The following PITPNM2 variants were observed in gnomAD, a reference collection of about 807,000 sequenced individuals.
PITPNM2 encodes the protein phosphatidylinositol transfer protein membrane associated 2.
In PITPNM2, 35 loss-of-function variants were observed where a neutral mutation model predicts 132.2. The ratio of observed to expected loss-of-function variants is 0.26; its 90% CI spans 0.20 to 0.35. The LOEUF (loss-of-function observed/expected upper bound fraction) is 0.35, where lower values mean the gene tolerates loss of function less well. Ranked by LOEUF, PITPNM2 falls within the 10% of genes least tolerant of loss-of-function variation. The pLI, the probability that PITPNM2 is intolerant of heterozygous loss-of-function variation, is 1.00. For synonymous variants in PITPNM2, 738 were observed against 799.2 expected (o/e 0.92, Z 1.29); for missense variants, 1,332 against 1,912.0 (o/e 0.70, Z 5.66).
chr12:122,988,960 C>CCCACACCCCTCTGG, intron 18 of PITPNM2, 88 bp from the exon 19 acceptor site: 1 of 1,360,094 alleles, frequency 7.4e-7, no homozygotes. Flanking sequence ...GCCTGCTCAG[C>CCCACACCCCTCTGG]CCAGCACAGT....
At chr12:123,149,772 T>A (rs2043689675) in intron 1 of PITPNM2, 1 of 152,464 alleles carries the variant, frequency 6.6e-6, no homozygotes, top group Non-Finnish European at 1.5e-5. Context: ...AGGGGAGCAC[T>A]TACTGCCTTC....
Position 123,031,691 on chromosome 12 carries a change from C to A in PITPNM2, c.78+2822G>T, listed in dbSNP as rs1376618562. On this transcript the variant is annotated intron_variant, in intron 3 of 25. Coordinates refer to ENST00000320201, the MANE Select transcript of PITPNM2 (RefSeq NM_020845.3). This position sits in a 1 kb window ranked among gnomAD's most constrained non-coding sequence, Gnocchi z 4.5. The stretch of plus-strand genomic sequence containing the variant: ...AGAGGAGAGCTGCCCAGCCAGCCAG[C>A]CTGAGCAGGAACACCAACAGCCTTG... Among the ~76,000 whole-genome samples the A allele has an allele frequency of 6.6e-6, 1 of 152,214 alleles. No individual in the cohort carries two copies. Among genetic ancestry groups the A allele is most frequent in the African/African-American group, 2.4e-5 (1 of 41,452 alleles).
intron 1 of PITPNM2, among the ~76,000 whole-genome samples, chr12:123,123,145 G>A (rs2137458192): frequency 6.6e-6 from 1 of 152,162 alleles, no homozygotes; most frequent in South Asian, 2.1e-4. Context: ...CCATCAACAG[G>A]GACCTGGTTT....
intron 2 of PITPNM2, among the ~76,000 whole-genome samples, chr12:123,085,747 A>G (rs1202268094): frequency 6.6e-6 from 1 of 152,240 alleles, no homozygotes; most frequent in African/African-American, 2.4e-5. Context: ...AAGATACAGG[A>G]TGGCCAATAA....
intron 2 of PITPNM2, among the ~76,000 whole-genome samples, chr12:123,038,122 A>G (rs1366036070): frequency 6.6e-6 from 1 of 152,260 alleles, no homozygotes; most frequent in Non-Finnish European, 1.5e-5. Context: ...CAGAAAGTGC[A>G]AGTGCTCAGG....
In PITPNM2 at chr12:123,117,089, A is replaced by G. The variant is rs7972870; in HGVS notation, c.-199-6601T>C. 9.5e-3 allele frequency among the ~76,000 whole-genome samples: 1,451 copies of G among 152,340 alleles called. 22 individuals are homozygous for G. The highest frequency in any genetic ancestry group is 0.033 in the African/African-American group (1,362 of 41,574). The stretch of plus-strand genomic sequence containing the variant: ...TGGCCAAGCTCTCTAGCGGGTTTGC[A>G]GGAAGTTCTACTTCCATCATAAGAC... On this transcript the variant is annotated intron_variant, in intron 1 of 25. Coordinates refer to ENST00000320201, the MANE Select transcript of PITPNM2 (RefSeq NM_020845.3). The surrounding 1 kb of genome is among the most constrained non-coding windows in gnomAD (Gnocchi z 4.7).
At chr12:123,118,458 C>T (rs563272379) in intron 1 of PITPNM2, among the ~76,000 whole-genome samples, 6 of 152,296 alleles carry the variant, frequency 3.9e-5, no homozygotes, top group South Asian at 2.1e-4. Context: ...AAATTGAGAA[C>T]AATCTAAAAG....
At chr12:123,134,346 C>T (rs565083220) in intron 1 of PITPNM2, among the ~76,000 whole-genome samples, 1 of 152,200 alleles carries the variant, frequency 6.6e-6, no homozygotes, top group African/African-American at 2.4e-5. Flanking sequence ...CTGCCAAGCC[C>T]GGTGACCACC....
At chr12:123,001,404 T>A (rs967999371) in intron 8 of PITPNM2, among the ~76,000 whole-genome samples, 1 of 152,230 alleles carries the variant, frequency 6.6e-6, no homozygotes, top group Admixed American at 6.5e-5. Context: ...ATCACCACTA[T>A]CTAATTCCAG....
At chr12:123,034,762 C>T (rs2040213159) in intron 2 of PITPNM2, 77 bp from the exon 3 acceptor site, 2 of 602,738 alleles carry the variant, frequency 3.3e-6, no homozygotes, top group Non-Finnish European at 3.0e-6. Flanking sequence ...GAGGAAAGGC[C>T]CGGTCTACAC....
At chr12:123,056,227 A>G (rs1273253895) in intron 2 of PITPNM2, among the ~76,000 whole-genome samples, 1 of 152,216 alleles carries the variant, frequency 6.6e-6, no homozygotes, top group Non-Finnish European at 1.5e-5. Flanking sequence ...AAGCTTGGCC[A>G]CTTACATGTC....
intron 5 of PITPNM2, among the ~76,000 whole-genome samples, chr12:123,010,332 C>A (rs964184356): frequency 1.3e-5 from 2 of 152,198 alleles, no homozygotes; most frequent in African/African-American, 4.8e-5. Flanking sequence ...ACTCCTCCCA[C>A]CTCAGCCTCT....
chr12:123,060,942 A>C (rs1386601014), intron 2 of PITPNM2, among the ~76,000 whole-genome samples: 1 of 152,144 alleles, frequency 6.6e-6, no homozygotes, highest in Non-Finnish European at 1.5e-5. Flanking sequence ...CCTTCCACCT[A>C]TGCATCCCTA....
intron 2 of PITPNM2, among the ~76,000 whole-genome samples, chr12:123,037,743 G>A (rs1408252786): frequency 6.6e-6 from 1 of 152,096 alleles, no homozygotes; most frequent in East Asian, 1.9e-4. Flanking sequence ...AGGACCCCCT[G>A]AGCCAGATTC....
intron 2 of PITPNM2, among the ~76,000 whole-genome samples, chr12:123,072,599 C>A (rs2041649401): frequency 6.6e-6 from 1 of 152,220 alleles, no homozygotes; most frequent in African/African-American, 2.4e-5. Flanking sequence ...GGGAGACAGT[C>A]AGGTCTCAGA....
intron 3 of PITPNM2, among the ~76,000 whole-genome samples, chr12:123,030,603 G>C (rs1226929159): frequency 6.6e-6 from 1 of 151,892 alleles, no homozygotes; most frequent in Non-Finnish European, 1.5e-5. Flanking sequence ...TGAGGCAGGA[G>C]AATGGCGTGA....
At chr12:123,112,699 GGC>G (rs1238106643) in intron 1 of PITPNM2, among the ~76,000 whole-genome samples, 48 of 152,008 alleles carry the variant, frequency 3.2e-4, no homozygotes, top group Non-Finnish European at 1.2e-4. Context: ...CACCACGCCT[GGC>G]TAATTTTTTT....
intron 2 of PITPNM2, among the ~76,000 whole-genome samples, chr12:123,068,426 C>T (rs903103310): frequency 4.0e-5 from 6 of 151,000 alleles, no homozygotes; most frequent in South Asian, 2.1e-4. Context: ...CCAGCCTGGG[C>T]GACAGAGCGA....
chr12:123,066,183 G>A (rs1306510014), intron 2 of PITPNM2, among the ~76,000 whole-genome samples: 6 of 152,214 alleles, frequency 3.9e-5, no homozygotes, highest in Non-Finnish European at 2.9e-5. Flanking sequence ...GCCCAGTGAT[G>A]TATCCGAGAG....
Sources: gnomAD v4.1 joint callset for allele counts (sites outside exome capture counted in the v4.1 genomes callset) on GRCh38, gnomAD v4.1.1 for gene constraint, Gnocchi (gnomAD v3.1) non-coding constraint, MANE v1.5 for transcripts, NCBI Gene and HGNC (gene_info 2026-07-23, HGNC 2026-07-21) for gene names.